DPH6: variants seen among roughly 807,000 people sequenced by gnomAD.
DPH6 encodes diphthine--ammonia ligase.
A neutral mutation model predicts 38.2 loss-of-function variants in DPH6; 33 were observed. That is an observed-to-expected ratio of 0.86 (90% CI 0.65 to 1.15). DPH6 has a LOEUF of 1.15. Ranked by LOEUF, DPH6 falls within the 50% of genes most tolerant of loss-of-function variation. The pLI, the probability that DPH6 is intolerant of heterozygous loss-of-function variation, is 0.00. For synonymous variants in DPH6, 108 were observed against 103.0 expected (o/e 1.05, Z -0.30); for missense variants, 325 against 320.0 (o/e 1.02, Z -0.12).
intron 3 of DPH6, among the ~76,000 whole-genome samples, chr15:35,350,723 C>T (rs1411938603): frequency 2.6e-5 from 4 of 152,130 alleles, no homozygotes; most frequent in African/African-American, 7.2e-5. Flanking sequence ...TTAATTTCCA[C>T]ATATTTAGGA....
intron 3 of DPH6, among the ~76,000 whole-genome samples, chr15:35,527,795 A>G (rs1485408473): frequency 1.3e-5 from 2 of 152,192 alleles, no homozygotes; most frequent in Non-Finnish European, 2.9e-5. Flanking sequence ...AAAGACAAAA[A>G]ATAAACTGAA....
chr15:35,438,353 G>C (rs930413481), intron 5 of DPH6, among the ~76,000 whole-genome samples: 1 of 152,158 alleles, frequency 6.6e-6, no homozygotes, highest in Non-Finnish European at 1.5e-5. Context: ...CATGTCCCTG[G>C]TTCAAGCGAT....
chr15:35,197,619 C>G, the DPH6 span, among the ~76,000 whole-genome samples: 1 of 152,172 alleles, frequency 6.6e-6, no homozygotes, highest in African/African-American at 2.4e-5. Context: ...CTGAAATACA[C>G]TCTATCTATT....
At chr15:35,297,240 C>T (rs1294947472) in intron 3 of DPH6, among the ~76,000 whole-genome samples, 2 of 152,220 alleles carry the variant, frequency 1.3e-5, no homozygotes, top group Admixed American at 6.5e-5. Context: ...AGCCCCTTGT[C>T]CTCAACTTTC....
chr15:35,387,018 A>G (rs989069555), intron 6 of DPH6, among the ~76,000 whole-genome samples: 11 of 152,174 alleles, frequency 7.2e-5, no homozygotes, highest in Admixed American at 1.3e-4. Flanking sequence ...TAATTTTTGT[A>G]TAAGGTGTAA....
chr15:35,243,821 C>G (rs1403400827), intron 3 of DPH6, among the ~76,000 whole-genome samples: 1 of 152,194 alleles, frequency 6.6e-6, no homozygotes, highest in African/African-American at 2.4e-5. Flanking sequence ...GGTCTCTTCC[C>G]ACGGACGCGC....
intron 3 of DPH6, among the ~76,000 whole-genome samples, chr15:35,486,855 G>T (rs1028637629): frequency 6.6e-6 from 1 of 152,116 alleles, no homozygotes; most frequent in African/African-American, 2.4e-5. Flanking sequence ...CTATGAGCCT[G>T]TAAAATAAAA....
chr15:35,296,769 T>G (rs1364784957), intron 3 of DPH6, among the ~76,000 whole-genome samples: 1 of 152,152 alleles, frequency 6.6e-6, no homozygotes, highest in East Asian at 1.9e-4. Flanking sequence ...ACAACCATTT[T>G]TTATCTCATA....
At chr15:35,166,850 G>A in the DPH6 span, among the ~76,000 whole-genome samples, 6 of 151,948 alleles carry the variant, frequency 3.9e-5, no homozygotes, top group African/African-American at 1.4e-4. Context: ...GGTAAGGGAG[G>A]TGGGGCAAGC....
intron 3 of DPH6, among the ~76,000 whole-genome samples, chr15:35,360,555 T>C (rs72703146): frequency 0.024 from 3,685 of 152,098 alleles, 62 homozygotes; most frequent in African/African-American, 0.045. Context: ...GGGCTATGGA[T>C]AGATGTGTCT....
intron 5 of DPH6, among the ~76,000 whole-genome samples, chr15:35,412,912 T>A (rs1038632534): frequency 6.6e-6 from 1 of 151,646 alleles, no homozygotes; most frequent in African/African-American, 2.4e-5. Context: ...GATGAATACA[T>A]GTTATTATAC....
chr15:35,349,637 G>A (rs1198437459), intron 3 of DPH6, among the ~76,000 whole-genome samples: 1 of 152,092 alleles, frequency 6.6e-6, no homozygotes, highest in African/African-American at 2.4e-5. Context: ...GTTTCACCAT[G>A]TTGGCCAAGC....
In DPH6 at chr15:35,353,160, C is replaced by T. The variant is rs1303422870; in HGVS notation, n.207+20361G>A. Among the ~76,000 whole-genome samples the T allele has an allele frequency of 1.3e-4, 20 of 151,970 alleles. No homozygotes were observed. In the East Asian group the frequency reaches 2.9e-3, roughly 22 times the overall value. On this transcript the variant is annotated intron_variant and non_coding_transcript_variant, in intron 3 of 3. Coordinates refer to the DPH6 transcript ENST00000558973. ...TTTCTTGTAAATTTGTTTGAGTTCA[C>T]TGTAGATTCTAGATATTAGCCCTTT...
At chr15:35,509,978 T>A (rs1027815771) in intron 3 of DPH6, among the ~76,000 whole-genome samples, 1 of 152,152 alleles carries the variant, frequency 6.6e-6, no homozygotes, top group Admixed American at 6.5e-5. Flanking sequence ...CACTTTGGGA[T>A]GCCAAGGCAG....
At chr15:35,167,594 A>C in the DPH6 span, among the ~76,000 whole-genome samples, 1 of 151,610 alleles carries the variant, frequency 6.6e-6, no homozygotes, top group African/African-American at 2.4e-5. Context: ...AAAAAGGCAG[A>C]AAGTTGAAAT....
intron 3 of DPH6, among the ~76,000 whole-genome samples, chr15:35,235,926 G>C (rs56356395): frequency 0.053 from 8,079 of 152,178 alleles, 318 homozygotes; most frequent in African/African-American, 0.11. Context: ...TATTTTCTTA[G>C]TTAAAAAAGA....
intron 3 of DPH6, chr15:35,299,162 G>C (rs2052036316): frequency 2.3e-6 from 3 of 1,316,654 alleles, no homozygotes; most frequent in Admixed American, 1.8e-5. Flanking sequence ...CGTCAGCTAA[G>C]GGAATCAGAA....
intron 3 of DPH6, among the ~76,000 whole-genome samples, chr15:35,289,560 A>T (rs1321792570): frequency 6.6e-6 from 1 of 152,254 alleles, no homozygotes; most frequent in Non-Finnish European, 1.5e-5. Flanking sequence ...AAAGAATCTC[A>T]TATTATTGTT....
chr15:35,473,990 A>C (rs938194290), intron 3 of DPH6, among the ~76,000 whole-genome samples: 1 of 151,614 alleles, frequency 6.6e-6, no homozygotes, highest in African/African-American at 2.4e-5. Context: ...GTAGACATAA[A>C]GTATTTCTAG....
Sources: gnomAD v4.1 joint callset for allele counts (sites outside exome capture counted in the v4.1 genomes callset) on GRCh38, gnomAD v4.1.1 for gene constraint, MANE v1.5 for transcripts, NCBI Gene and HGNC (gene_info 2026-07-23, HGNC 2026-07-21) for gene names.